SPSB4: variants seen among roughly 807,000 people sequenced by gnomAD.
The protein encoded by SPSB4 is splA/ryanodine receptor domain and SOCS box containing 4.
SPSB4 carries 21 observed loss-of-function variants against 20.9 expected under a neutral mutation model. That is an observed-to-expected ratio of 1.01 (90% confidence interval 0.71 to 1.45). SPSB4 has a LOEUF of 1.45. Among genes scored for constraint, SPSB4 ranks in the 40% most tolerant of loss-of-function variants. The pLI, the probability that SPSB4 is intolerant of heterozygous loss-of-function variation, is 0.00. For synonymous variants in SPSB4, 207 were observed against 183.8 expected, an observed-to-expected ratio of 1.13 and a Z score of -1.02; for missense variants, 399 against 399.2, an observed-to-expected ratio of 1.00 and a Z score of 0.00.
At chr3:141,114,121 T>G (rs1483214868) in intron 2 of SPSB4, among the ~76,000 whole-genome samples, 1 of 152,236 alleles carries the variant, frequency 6.6e-6, no homozygotes, top group African/African-American at 2.4e-5. Context: ...TTTCATGTTA[T>G]GTAAACTTCA....
chr3:141,090,888 T>C (rs1308473971), intron 2 of SPSB4, among the ~76,000 whole-genome samples: 1 of 152,120 alleles, frequency 6.6e-6, no homozygotes, highest in Non-Finnish European at 1.5e-5. Context: ...GTGGCTTGGC[T>C]CGGGATGGCA....
At chr3:141,085,292 A>G (rs1938317971) in intron 2 of SPSB4, among the ~76,000 whole-genome samples, 1 of 152,186 alleles carries the variant, frequency 6.6e-6, no homozygotes, top group Non-Finnish European at 1.5e-5. Flanking sequence ...AAAAATGCCT[A>G]ATACTATGGG....
intron 2 of SPSB4, among the ~76,000 whole-genome samples, chr3:141,083,590 G>A (rs1222054584): frequency 6.6e-6 from 1 of 151,952 alleles, no homozygotes; most frequent in African/African-American, 2.4e-5. Flanking sequence ...ATCCCCCGGC[G>A]GGCAAGTCTC....
At chr3:141,138,064 A>G (rs1939257888) in intron 2 of SPSB4, among the ~76,000 whole-genome samples, 1 of 152,106 alleles carries the variant, frequency 6.6e-6, no homozygotes, top group Admixed American at 6.5e-5. Context: ...TAGTCTTGGG[A>G]GAGTGTATGT....
intron 2 of SPSB4, among the ~76,000 whole-genome samples, chr3:141,129,868 G>A (rs1939108156): frequency 6.6e-6 from 1 of 152,258 alleles, no homozygotes; most frequent in African/African-American, 2.4e-5. Context: ...TGCACAAGAA[G>A]TAACTTGATA....
intron 2 of SPSB4, among the ~76,000 whole-genome samples, chr3:141,131,320 C>G (rs920908920): frequency 6.6e-6 from 1 of 152,076 alleles, no homozygotes; most frequent in African/African-American, 2.4e-5. Context: ...TGCGTCTCAC[C>G]AAGTACTTCT....
chr3:141,097,750 CCCACA>C, intron 2 of SPSB4, among the ~76,000 whole-genome samples: 1 of 151,878 alleles, frequency 6.6e-6, no homozygotes, highest in Non-Finnish European at 1.5e-5. Context: ...TGTGGCTGGT[CCCACA>C]GAGCAAAAGG....
In SPSB4 at chr3:141,140,332, C is replaced by T. The variant is rs1576544601; in HGVS notation, c.695-6810C>T. 2.0e-5 allele frequency among the ~76,000 whole-genome samples: 3 copies of T among 152,324 alleles called. 1 individual carries two copies. The highest frequency in any genetic ancestry group is 1.5e-5 in the Non-Finnish European group (1 of 68,028). ...ATCTTCTGAAGCCTTCCTCTCTCAA[C>T]TCGTCAAAGTCATTCTCCATCCAGC... On this transcript the variant is annotated intron_variant, in intron 2 of 2. Coordinates refer to ENST00000310546, the MANE Select transcript of SPSB4 (RefSeq NM_080862.3).
At chr3:141,110,926 G>GT in intron 2 of SPSB4, among the ~76,000 whole-genome samples, 1 of 152,330 alleles carries the variant, frequency 6.6e-6, no homozygotes. Context: ...CGGCTCCAAA[G>GT]TGGCAGAGCA....
rs758486560 is a variant in SPSB4, at chr3:141,066,184, G to C, written c.80G>C (p.Arg27Pro). Residue 27 changes from arginine to proline, a missense_variant, in exon 2 of 3, where the codon CGG becomes CCG. Physicochemically the swap from Arg to Pro is moderately radical, Grantham distance 103. Coordinates refer to ENST00000310546, the MANE Select transcript of SPSB4 (RefSeq NM_080862.3). ...PALRPAKREL[R>P]GAEPGRPARL... The stretch of plus-strand genomic sequence containing the variant: ...CTGCGGCCGGCCAAGCGGGAGCTGC[G>C]GGGTGCAGAGCCCGGGCGGCCGGCG... The C allele has an allele frequency of 7.8e-6, 12 of 1,533,168 alleles. No individual in the cohort carries two copies. Among genetic ancestry groups the C allele is most frequent in the South Asian group, 7.2e-5 (6 of 83,102 alleles). The allele number at this position is 1,533,168 out of a possible 1,614,324, so 95.0% of individuals were successfully genotyped here.
At chr3:141,099,072 C>T (rs997480310) in intron 2 of SPSB4, among the ~76,000 whole-genome samples, 2 of 152,158 alleles carry the variant, frequency 1.3e-5, no homozygotes, top group African/African-American at 2.4e-5. Flanking sequence ...GCATGGACCC[C>T]TCAGGACTTC....
chr3:141,066,848 T>C, intron 2 of SPSB4, 50 bp downstream of exon 2: 1 of 1,476,508 alleles, frequency 6.8e-7, no homozygotes, highest in Non-Finnish European at 9.0e-7. Context: ...TGCCAGGCCC[T>C]AGGGAAGCTG....
intron 2 of SPSB4, among the ~76,000 whole-genome samples, chr3:141,087,028 G>T (rs1412168827): frequency 2.0e-5 from 3 of 152,210 alleles, no homozygotes; most frequent in Non-Finnish European, 2.9e-5. Context: ...AGGGGATAAA[G>T]GTGGCCCAGA....
At chr3:141,091,349 T>C (rs1271893094) in intron 2 of SPSB4, among the ~76,000 whole-genome samples, 1 of 152,224 alleles carries the variant, frequency 6.6e-6, no homozygotes, top group Non-Finnish European at 1.5e-5. Context: ...GTCATGGAGA[T>C]TAGTGAGACA....
At chr3:141,103,704 G>C (rs1317696931) in intron 2 of SPSB4, among the ~76,000 whole-genome samples, 2 of 152,144 alleles carry the variant, frequency 1.3e-5, no homozygotes, top group African/African-American at 4.8e-5. Flanking sequence ...ACCCACATGA[G>C]GGACACAGAA....
chr3:141,067,739 G>A (rs1937918788), intron 2 of SPSB4, among the ~76,000 whole-genome samples: 1 of 152,138 alleles, frequency 6.6e-6, no homozygotes, highest in Non-Finnish European at 1.5e-5. Context: ...CCCAGCTGAG[G>A]GGCCAGGAGC....
At chr3:141,120,141 C>T (rs1938943406) in intron 2 of SPSB4, among the ~76,000 whole-genome samples, 1 of 152,154 alleles carries the variant, frequency 6.6e-6, no homozygotes, top group Non-Finnish European at 1.5e-5. Flanking sequence ...TTTCAAAGAA[C>T]TTATTTATTT....
intron 2 of SPSB4, among the ~76,000 whole-genome samples, chr3:141,109,932 G>C (rs564782567): frequency 1.3e-5 from 2 of 152,274 alleles, no homozygotes; most frequent in Admixed American, 1.3e-4. Flanking sequence ...CTTAACTCAC[G>C]TCCTGTGGCA....
intron 2 of SPSB4, among the ~76,000 whole-genome samples, chr3:141,118,732 A>G (rs772603818): frequency 1.3e-4 from 20 of 152,168 alleles, no homozygotes; most frequent in Non-Finnish European, 2.6e-4. Flanking sequence ...TTCCAGCACT[A>G]CTTATTATAT....
Sources: gnomAD v4.1 joint callset for allele counts (sites outside exome capture counted in the v4.1 genomes callset) on GRCh38, gnomAD v4.1.1 for gene constraint, MANE v1.5 for transcripts, NCBI Gene and HGNC (gene_info 2026-07-23, HGNC 2026-07-21) for gene names.